ERBIN: variants seen among roughly 807,000 people sequenced by gnomAD.
ERBIN encodes the protein erbb2 interacting protein.
ERBIN carries 60 observed loss-of-function variants against 158.4 expected under a neutral mutation model. The observed-to-expected ratio is 0.38, with a 90% CI of 0.31 to 0.47. ERBIN has a LOEUF of 0.47. Among genes scored for constraint, ERBIN ranks in the 20% least tolerant of loss-of-function variants. The probability of loss-of-function intolerance (pLI) is 0.99; values close to 1 mark genes in which losing one functional copy is unlikely to be tolerated. For synonymous variants in ERBIN, 594 were observed against 557.2 expected, an observed-to-expected ratio of 1.07 and a Z score of -0.93; for missense variants, 1,610 against 1,648.0, an observed-to-expected ratio of 0.98 and a Z score of 0.40.
chr5:66,052,096 C>T (rs1223687177), intron 20 of ERBIN, among the ~76,000 whole-genome samples: 1 of 151,454 alleles, frequency 6.6e-6, no homozygotes, highest in African/African-American at 2.4e-5. Context: ...ACTCGAGAGG[C>T]CAAGGTGGGA....
chr5:66,075,763 A>C (rs1761925963), intron 23 of ERBIN, among the ~76,000 whole-genome samples: 1 of 152,206 alleles, frequency 6.6e-6, no homozygotes, highest in Non-Finnish European at 1.5e-5. Context: ...TTTATAACAC[A>C]GTTTTAATTC....
At chr5:66,075,260 G>A in intron 23 of ERBIN, 30 bp downstream of exon 23, 1 of 1,543,306 alleles carries the variant, frequency 6.5e-7, no homozygotes, top group South Asian at 1.1e-5. Flanking sequence ...TTTGAAATAT[G>A]GGACTAAGCT....
At chr5:65,956,007 AT>A (rs1331092164) in intron 1 of ERBIN, among the ~76,000 whole-genome samples, 2 of 152,234 alleles carry the variant, frequency 1.3e-5, no homozygotes, top group Non-Finnish European at 2.9e-5. Context: ...TAGAGCAACA[AT>A]ACATGGTGTG....
In ERBIN at chr5:66,053,727, A is replaced by G; in HGVS notation, c.2409A>G (p.Glu803=). ...TSFLSINSKE[E]TEHLENGNKY... is the part of the protein sequence containing the mutation. ...TTTTAAGCATTAATTCTAAAGAGGA[A>G]ACTGAGCACTTGGAAAATGGAAACA... is the stretch of plus-strand genomic sequence containing the variant. The change falls in exon 21 of 26, where the codon GAA becomes GAG. Residue 803 remains glutamate, a synonymous_variant. Transcript: ENST00000284037. 6.2e-7 allele frequency: 1 copy of G among 1,613,880 alleles called. No homozygotes were observed. Among genetic ancestry groups the G allele is most frequent in the Non-Finnish European group, 8.5e-7 (1 of 1,179,982 alleles).
intron 1 of ERBIN, among the ~76,000 whole-genome samples, chr5:65,978,727 A>G (rs903051310): frequency 6.6e-6 from 1 of 152,232 alleles, no homozygotes. Context: ...CAGAGCCTCA[A>G]AGGCAAAAAT....
At chr5:65,981,606 A>G (rs1374985140) in intron 1 of ERBIN, among the ~76,000 whole-genome samples, 2 of 152,222 alleles carry the variant, frequency 1.3e-5, no homozygotes, top group East Asian at 1.9e-4. Context: ...AAGGATAAAA[A>G]GGAAATAACT....
rs369052267 is a variant in ERBIN at position 66,054,699 on chromosome 5, T to G, written c.3381T>G (p.Leu1127=). 391 of 1,613,980 alleles carry G rather than the reference T, an allele frequency of 2.4e-4. No homozygotes were observed. The highest frequency in any genetic ancestry group is 3.0e-4 in the Non-Finnish European group (356 of 1,179,998). ...PPMMPGSQRP[L]SARTYSIDGP... ...TGATGCCAGGATCACAGAGACCCCT[T>G]TCTGCACGAACATACAGCATAGATG... The change falls in exon 21 of 26, where the codon CTT becomes CTG. Residue 1127 remains leucine, a synonymous_variant. Transcript: ENST00000284037.
At chr5:65,962,236 G>A (rs745402691) in intron 1 of ERBIN, among the ~76,000 whole-genome samples, 12 of 152,140 alleles carry the variant, frequency 7.9e-5, no homozygotes, top group Non-Finnish European at 1.6e-4. Flanking sequence ...GTCCCAAAAT[G>A]TATATAAAAT....
rs1762238965 is a variant in ERBIN at position 66,078,788 on chromosome 5, C to G, written c.*258C>G. The G allele has an allele frequency of 2.4e-6, 1 of 409,260 alleles. No homozygotes were observed. The highest frequency in any genetic ancestry group is 4.2e-5 in the Admixed American group (1 of 23,558). 25.4% of individuals were successfully genotyped at this position (409,260 alleles called of 1,614,324 possible). Reference sequence around the variant, plus strand: ...AGCAATCAAGGCTACAAAAACAAACCTGTGTTGTTTTTGTATAGATTGTAG... The same window carrying G: ...AGCAATCAAGGCTACAAAAACAAACGTGTGTTGTTTTTGTATAGATTGTAG... On this transcript the variant is annotated 3_prime_UTR_variant, in exon 26 of 26. Transcript: ENST00000284037.
chr5:65,996,610 T>TG (rs1436493520), intron 4 of ERBIN, among the ~76,000 whole-genome samples: 24 of 152,174 alleles, frequency 1.6e-4, no homozygotes, highest in African/African-American at 4.6e-4. Context: ...TTGCTTTGGG[T>TG]ATTCAGTCTT....
intron 8 of ERBIN, among the ~76,000 whole-genome samples, chr5:66,022,231 A>G (rs919452689): frequency 6.6e-6 from 1 of 152,154 alleles, no homozygotes; most frequent in Admixed American, 6.5e-5. Context: ...CAAATTATTT[A>G]TCTGTTACGT....
intron 1 of ERBIN, among the ~76,000 whole-genome samples, chr5:65,933,533 T>C (rs1411185503): frequency 6.6e-6 from 1 of 152,246 alleles, no homozygotes; most frequent in East Asian, 1.9e-4. Flanking sequence ...CTAGAGGCTT[T>C]AGCTACACAG....
chr5:66,024,336 T>C lies in ERBIN; in HGVS notation c.703T>C (p.Leu235=). The change falls in exon 10 of 26, where the codon TTG becomes CTG. Residue 235 remains leucine, a synonymous_variant. Transcript: ENST00000284037. ...TGGTAGTTTGAAACAGCTCACATATTTGGATGTTTCTAAAAATAATATTGA... is the reference window on the plus strand; with the variant it reads ...TGGTAGTTTGAAACAGCTCACATATCTGGATGTTTCTAAAAATAATATTGA... ...FIGSLKQLTY[L]DVSKNNIEMV... is the part of the protein sequence containing the mutation. The C allele has an allele frequency of 6.4e-7, 1 of 1,570,338 alleles. No homozygotes were observed. The highest frequency in any genetic ancestry group is 8.7e-7 in the Non-Finnish European group (1 of 1,148,174).
At chr5:66,036,575 G>C (rs1757419356) in intron 14 of ERBIN, among the ~76,000 whole-genome samples, 1 of 152,034 alleles carries the variant, frequency 6.6e-6, no homozygotes, top group Non-Finnish European at 1.5e-5. Context: ...ACTGTACCCT[G>C]TCTACCCTGT....
chr5:66,006,129 C>G (rs1163016836), intron 4 of ERBIN, among the ~76,000 whole-genome samples: 3 of 152,182 alleles, frequency 2.0e-5, no homozygotes, highest in East Asian at 3.8e-4. Context: ...ATCACGCTAC[C>G]TGACTTCAAA....
intron 8 of ERBIN, 30 bp from the exon 9 acceptor site, chr5:66,023,260 T>G: frequency 6.5e-7 from 1 of 1,539,354 alleles, no homozygotes; most frequent in Non-Finnish European, 8.9e-7. Context: ...TTAATTGAAT[T>G]ACTGCTATCC....
At chr5:66,028,172 C>G in intron 13 of ERBIN, 102 bp from the exon 14 acceptor site, 1 of 695,338 alleles carries the variant, frequency 1.4e-6, no homozygotes, top group South Asian at 2.5e-5. Context: ...TTTTCATGTG[C>G]AACTATATAG....
chr5:65,985,722 A>G (rs1751152745), intron 1 of ERBIN, among the ~76,000 whole-genome samples: 1 of 152,186 alleles, frequency 6.6e-6, no homozygotes, highest in Admixed American at 6.5e-5. Context: ...GGGTCCGGCA[A>G]CTACTTGATT....
chr5:66,036,193 T>C (rs553268612), intron 14 of ERBIN, among the ~76,000 whole-genome samples: 8 of 152,350 alleles, frequency 5.3e-5, no homozygotes, highest in African/African-American at 1.9e-4. Context: ...TTGAGGTAGC[T>C]TCCTAATAGG....
Sources: allele counts gnomAD v4.1 joint callset (sites outside exome capture counted in the v4.1 genomes callset), GRCh38; gene constraint gnomAD v4.1.1; transcripts MANE v1.5; gene names NCBI Gene and HGNC (gene_info 2026-07-23, HGNC 2026-07-21).